EBAG9: variants seen among roughly 807,000 people sequenced by gnomAD.
The protein encoded by EBAG9 is estrogen receptor binding site associated antigen 9.
In EBAG9, 16 loss-of-function variants were observed where a neutral mutation model predicts 30.9. The ratio of observed to expected loss-of-function variants is 0.52; its 90% CI spans 0.35 to 0.79. EBAG9 has a LOEUF of 0.79. EBAG9 is among the 30% of genes least tolerant of loss of function. The pLI, the probability that EBAG9 is intolerant of heterozygous loss-of-function variation, is 0.01. For synonymous variants in EBAG9, 93 were observed against 82.8 expected, an observed-to-expected ratio of 1.12 and a Z score of -0.67; for missense variants, 197 against 242.1, an observed-to-expected ratio of 0.81 and a Z score of 1.24.
At chr8:109,544,638 T>C (rs1821347216) in intron 1 of EBAG9, among the ~76,000 whole-genome samples, 1 of 152,110 alleles carries the variant, frequency 6.6e-6, no homozygotes, top group South Asian at 2.1e-4. Flanking sequence ...AGCTAAGACA[T>C]GAGATTCCAT....
chr8:109,562,514 C>T (rs1029046822), intron 6 of EBAG9, among the ~76,000 whole-genome samples: 2 of 151,920 alleles, frequency 1.3e-5, no homozygotes, highest in African/African-American at 4.8e-5. Flanking sequence ...ATCCACATTC[C>T]GTATTGTCTA....
chr8:109,542,671 A>G (rs549270023), intron 1 of EBAG9, among the ~76,000 whole-genome samples: 21 of 152,216 alleles, frequency 1.4e-4, no homozygotes, highest in African/African-American at 4.6e-4. Context: ...ATCAGCTTTA[A>G]ATGAAGTGAT....
Position 109,554,829 on chromosome 8 carries a change from A to G in EBAG9, c.263A>G (p.Glu88Gly), listed in dbSNP as rs1330797286. ...GTGGCAACACAACAAAATTCTTTGG[A>G]ACAACTGGAACCTGACTATTTTAAG... is the stretch of plus-strand genomic sequence containing the variant. ...GNVATQQNSL[E>G]QLEPDYFKDM... Residue 88 changes from glutamate to glycine, a missense_variant, in exon 4 of 7, where the codon GAA (glutamate) becomes GGA (glycine). Coordinates refer to ENST00000337573, the MANE Select transcript of EBAG9 (RefSeq NM_004215.5). The G allele has an allele frequency of 6.2e-6, 10 of 1,613,746 alleles. No homozygotes were observed. Among genetic ancestry groups the G allele is most frequent in the Non-Finnish European group, 8.5e-6 (10 of 1,179,828 alleles).
At chr8:109,547,737 C>T (rs960063935) in intron 1 of EBAG9, among the ~76,000 whole-genome samples, 1 of 152,116 alleles carries the variant, frequency 6.6e-6, no homozygotes, top group Non-Finnish European at 1.5e-5. Flanking sequence ...GCCTCGGCCT[C>T]CCAAAGTGCT....
At chr8:109,556,617 C>T (rs990147445) in intron 4 of EBAG9, among the ~76,000 whole-genome samples, 2 of 151,900 alleles carry the variant, frequency 1.3e-5, no homozygotes, top group African/African-American at 4.8e-5. Context: ...ATACTATTGG[C>T]AGGATATGAT....
chr8:109,560,234 C>G (rs561037926), intron 5 of EBAG9, among the ~76,000 whole-genome samples: 5 of 152,004 alleles, frequency 3.3e-5, no homozygotes, highest in African/African-American at 1.2e-4. Context: ...TAGATGATAC[C>G]AGGTAAGAAA....
intron 5 of EBAG9, 58 bp downstream of exon 5, chr8:109,557,100 C>A: frequency 5.4e-6 from 6 of 1,107,238 alleles, no homozygotes; most frequent in South Asian, 3.3e-5. Context: ...TTCTTTAAAG[C>A]AGAGGAATAA....
In EBAG9 at chr8:109,564,616, A is replaced by C; in HGVS notation, c.*57A>C. On this transcript the variant is annotated 3_prime_UTR_variant, in exon 7 of 7. Coordinates refer to ENST00000337573, the MANE Select transcript of EBAG9 (RefSeq NM_004215.5). ...GAAATCTCAGCTCCACAACCCAAGC[A>C]ACATTTGTATGGATTTAAGAGTATT... 1 of 1,600,272 alleles carries C rather than the reference A, an allele frequency of 6.2e-7. No individual in the cohort carries two copies. Among genetic ancestry groups the C allele is most frequent in the Non-Finnish European group, 8.5e-7 (1 of 1,172,872 alleles).
chr8:109,548,887 C>CTTTTTTTTT (rs548152043), intron 1 of EBAG9, among the ~76,000 whole-genome samples: 31 of 125,102 alleles, frequency 2.5e-4, no homozygotes, highest in African/African-American at 5.1e-4. Flanking sequence ...TTTCTTTTTT[C>CTTTTTTTTT]TTTTTTTTTT....
chr8:109,558,534 G>A (rs149630977), intron 5 of EBAG9, among the ~76,000 whole-genome samples: 1 of 152,096 alleles, frequency 6.6e-6, no homozygotes, highest in African/African-American at 2.4e-5. Context: ...AGCAATATTT[G>A]CCACCTAAAT....
chr8:109,558,430 A>G (rs551621286), intron 5 of EBAG9, among the ~76,000 whole-genome samples: 2 of 152,128 alleles, frequency 1.3e-5, no homozygotes, highest in African/African-American at 4.8e-5. Context: ...ACATAGCATT[A>G]TAATGTTTTT....
rs1016137112 is a variant in EBAG9, at chr8:109,565,484, C to T, written c.*925C>T. On this transcript the variant is annotated 3_prime_UTR_variant, in exon 7 of 7. Coordinates refer to ENST00000337573, the MANE Select transcript of EBAG9 (RefSeq NM_004215.5). ...TGACGTTATGTAGGTTACCTGTGTT[C>T]TTGGCTAGGAAAACATTATTGATTC... The T allele has an allele frequency of 1.3e-5, 2 of 151,924 alleles. No homozygotes were observed. Among genetic ancestry groups the T allele is most frequent in the Non-Finnish European group, 2.9e-5 (2 of 67,938 alleles). 9.4% of individuals were successfully genotyped at this position (151,924 alleles called of 1,614,324 possible).
intron 1 of EBAG9, among the ~76,000 whole-genome samples, chr8:109,541,279 A>T (rs1821269042): frequency 6.6e-6 from 1 of 152,222 alleles, no homozygotes; most frequent in African/African-American, 2.4e-5. Context: ...AAAGTAGCGT[A>T]AGATACTTAT....
intron 1 of EBAG9, among the ~76,000 whole-genome samples, chr8:109,542,719 A>G (rs1045388110): frequency 2.6e-5 from 4 of 152,180 alleles, no homozygotes; most frequent in Admixed American, 2.6e-4. Flanking sequence ...TTCTACTCAT[A>G]ATGAAGCAAT....
At chr8:109,554,658 TAATA>T (rs1821559758) in intron 3 of EBAG9, 67 bp from the exon 4 acceptor site, 3 of 1,474,708 alleles carry the variant, frequency 2.0e-6, no homozygotes, top group Non-Finnish European at 2.8e-6. Context: ...CCCATTTTTC[TAATA>T]AATCATCAAT....
At chr8:109,564,254 G>A (rs548049624) in intron 6 of EBAG9, among the ~76,000 whole-genome samples, 185 bp from the exon 7 acceptor site, 21 of 152,038 alleles carry the variant, frequency 1.4e-4, no homozygotes, top group African/African-American at 4.6e-4. Context: ...CACAAGTCAC[G>A]TTCTAAGGAC....
chr8:109,543,579 T>C (rs1821322609), intron 1 of EBAG9, among the ~76,000 whole-genome samples: 1 of 152,212 alleles, frequency 6.6e-6, no homozygotes. Flanking sequence ...CAGATTGAGA[T>C]ATTAGATCTT....
chr8:109,547,790 T>A (rs1821414835), intron 1 of EBAG9, among the ~76,000 whole-genome samples: 1 of 152,120 alleles, frequency 6.6e-6, no homozygotes, highest in Admixed American at 6.5e-5. Flanking sequence ...TTGTATATGT[T>A]TTTTGATGAA....
In EBAG9 at chr8:109,564,616, A is replaced by G. The variant is rs1821782088; in HGVS notation, c.*57A>G. 18 of 1,600,154 alleles carry G rather than the reference A, an allele frequency of 1.1e-5. No homozygotes were observed. Among genetic ancestry groups the G allele is most frequent in the Non-Finnish European group, 1.5e-5 (18 of 1,172,880 alleles). ...GAAATCTCAGCTCCACAACCCAAGC[A>G]ACATTTGTATGGATTTAAGAGTATT... On this transcript the variant is annotated 3_prime_UTR_variant, in exon 7 of 7. Transcript: ENST00000337573.
Sources: gnomAD v4.1 joint callset for allele counts (sites outside exome capture counted in the v4.1 genomes callset) on GRCh38, gnomAD v4.1.1 for gene constraint, MANE v1.5 for transcripts, NCBI Gene and HGNC (gene_info 2026-07-23, HGNC 2026-07-21) for gene names.